Variants in ZNRF1 observed in about 807,000 individuals in gnomAD.
ZNRF1 encodes zinc and ring finger 1.
A neutral mutation model predicts 18.4 loss-of-function variants in ZNRF1; 3 were observed. That is an observed-to-expected ratio of 0.16 (90% CI 0.07 to 0.42). The LOEUF (loss-of-function observed/expected upper bound fraction) is 0.42. ZNRF1 is among the 10% of genes least tolerant of loss of function. The probability of loss-of-function intolerance (pLI) is 0.99; values close to 1 mark genes in which losing one functional copy is unlikely to be tolerated. For synonymous variants in ZNRF1, 157 were observed against 144.2 expected, an observed-to-expected ratio of 1.09 and a Z score of -0.64; for missense variants, 310 against 329.8, an observed-to-expected ratio of 0.94 and a Z score of 0.47.
rs56377786 is a variant in ZNRF1 at position 75,049,845 on chromosome 16, TTGTGTGTG to T, written c.425-43708_425-43701del. On this transcript the variant is annotated intron_variant, in intron 1 of 4. Transcript: ENST00000335325. ...TCTCATCACTTTCACATGCACCCAT[TTGTGTGTG>T]TGTGTGTGTGTGTGTGTGGTTTAGT... Among the ~76,000 whole-genome samples the T allele has an allele frequency of 6.9e-3, 1,026 of 149,384 alleles. 9 individuals carry two copies. Among genetic ancestry groups the T allele is most frequent in the African/African-American group, 0.025 (993 of 40,508 alleles).
In ZNRF1 at chr16:74,999,728, C is replaced by T; in HGVS notation, c.57C>T (p.Ser19=). 1.4e-6 allele frequency: 2 copies of T among 1,384,840 alleles called. No individual in the cohort carries two copies. Among genetic ancestry groups the T allele is most frequent in the Non-Finnish European group, 1.9e-6 (2 of 1,076,124 alleles). 85.8% of individuals were successfully genotyped at this position (1,384,840 alleles called of 1,614,324 possible). The change falls in exon 1 of 5, where the codon TCC becomes TCT. Residue 19 remains serine, a synonymous_variant. Transcript: ENST00000335325. The stretch of plus-strand genomic sequence containing the variant: ...CCCGGGGCCCCTTCCCGGGGGTCTC[C>T]ACCGATGACAGCGCCGTGCCGCCGC... ...ARSRGPFPGV[S]TDDSAVPPPG... is the part of the protein sequence containing the mutation.
At chr16:75,059,590 A>C (rs903821683) in intron 1 of ZNRF1, among the ~76,000 whole-genome samples, 2 of 151,968 alleles carry the variant, frequency 1.3e-5, no homozygotes, top group Admixed American at 1.3e-4. Flanking sequence ...AATGGCTCAG[A>C]TCTCGTAGGA....
chr16:75,000,753 G>A (rs1199105904), intron 1 of ZNRF1, among the ~76,000 whole-genome samples: 1 of 152,206 alleles, frequency 6.6e-6, no homozygotes, highest in East Asian at 1.9e-4. Flanking sequence ...GCATGCAGCA[G>A]GCTTGGCTCC....
chr16:75,104,709 T>TA, intron 2 of ZNRF1, 75 bp from the exon 3 acceptor site: 1 of 1,335,506 alleles, frequency 7.5e-7, no homozygotes, highest in Non-Finnish European at 1.0e-6. Context: ...CCCTAGTTCC[T>TA]AGGCCCTTGC....
intron 1 of ZNRF1, chr16:75,000,296 A>AG (rs1157225205): frequency 1.9e-5 from 15 of 808,654 alleles, no homozygotes; most frequent in Admixed American, 1.8e-4. Flanking sequence ...CTGGCGATTT[A>AG]GGGACTCACG....
At chr16:75,106,699 C>T (rs1567497777) in intron 4 of ZNRF1, 128 bp downstream of exon 4, 6 of 670,222 alleles carry the variant, frequency 9.0e-6, no homozygotes, top group South Asian at 3.5e-5. Flanking sequence ...GGAAGGAGCA[C>T]CTCATCAGTG....
In ZNRF1 at chr16:75,085,815, A is replaced by T. The variant is rs866202077; in HGVS notation, c.425-7757A>T. 3.8e-3 allele frequency among the ~76,000 whole-genome samples: 553 copies of T among 146,818 alleles called. 5 individuals carry two copies. The highest frequency in any genetic ancestry group is 0.014 in the African/African-American group (523 of 37,498). Reference sequence around the variant, plus strand: ...GTGAGAGAGAGAGAGAGAGAGAGAGAGAGTGAGTGTGTGTGTGTGTGTGTG... The same window carrying T: ...GTGAGAGAGAGAGAGAGAGAGAGAGTGAGTGAGTGTGTGTGTGTGTGTGTG... On this transcript the variant is annotated intron_variant, in intron 1 of 4. Transcript: ENST00000335325.
chr16:75,030,883 C>G (rs1249922004), intron 1 of ZNRF1, among the ~76,000 whole-genome samples: 3 of 143,392 alleles, frequency 2.1e-5, no homozygotes, highest in Non-Finnish European at 4.5e-5. Flanking sequence ...CTCTGTCACC[C>G]AGGCTGGAGT....
At chr16:75,069,066 T>G (rs1243172109) in intron 1 of ZNRF1, among the ~76,000 whole-genome samples, 8 of 152,152 alleles carry the variant, frequency 5.3e-5, no homozygotes, top group Non-Finnish European at 1.2e-4. Flanking sequence ...TCTGCTGCTC[T>G]TTAGCCAAAG....
At chr16:75,064,561 G>GAAA (rs566037984) in intron 1 of ZNRF1, among the ~76,000 whole-genome samples, 4 of 127,142 alleles carry the variant, frequency 3.1e-5, no homozygotes, top group Non-Finnish European at 3.4e-5. Context: ...GTCTCCGAGG[G>GAAA]AAAAAAAAAA....
At chr16:75,107,490 C>T (rs1431568898) in intron 4 of ZNRF1, 3 of 329,160 alleles carry the variant, frequency 9.1e-6, no homozygotes, top group African/African-American at 4.4e-5. Flanking sequence ...GGGACATTTG[C>T]TCTTTTTACC....
intron 1 of ZNRF1, 106 bp downstream of exon 1, chr16:75,000,201 T>G: frequency 6.9e-7 from 1 of 1,453,078 alleles, no homozygotes; most frequent in Non-Finnish European, 9.4e-7. Context: ...CCGGGATCTG[T>G]CTGCATTCCC....
intron 1 of ZNRF1, among the ~76,000 whole-genome samples, chr16:75,033,036 C>G (rs1186927922): frequency 6.6e-6 from 1 of 152,086 alleles, no homozygotes; most frequent in Non-Finnish European, 1.5e-5. Flanking sequence ...TTTAAGGGTA[C>G]TATTGGCAAT....
At chr16:75,038,909 G>C (rs1459287142) in intron 1 of ZNRF1, among the ~76,000 whole-genome samples, 1 of 152,022 alleles carries the variant, frequency 6.6e-6, no homozygotes, top group African/African-American at 2.4e-5. Context: ...TTCCCCATCT[G>C]CTCCAGTATA....
intron 1 of ZNRF1, among the ~76,000 whole-genome samples, chr16:75,013,248 G>C (rs986300388): frequency 2.6e-5 from 4 of 152,158 alleles, no homozygotes; most frequent in African/African-American, 9.7e-5. Flanking sequence ...TTATAAAGGA[G>C]TAAGAATTAC....
chr16:75,039,476 T>G (rs1054594254), intron 1 of ZNRF1, among the ~76,000 whole-genome samples: 2 of 152,190 alleles, frequency 1.3e-5, no homozygotes, highest in African/African-American at 4.8e-5. Context: ...ATAAAAATCC[T>G]TGGAGTTAAT....
chr16:75,038,723 G>T (rs2035404965), intron 1 of ZNRF1, among the ~76,000 whole-genome samples: 1 of 152,226 alleles, frequency 6.6e-6, no homozygotes, highest in African/African-American at 2.4e-5. Context: ...TCCTGTGTGT[G>T]TGTTCTTCTA....
At chr16:75,041,991 C>T (rs949274995) in intron 1 of ZNRF1, among the ~76,000 whole-genome samples, 3 of 151,998 alleles carry the variant, frequency 2.0e-5, no homozygotes, top group East Asian at 3.9e-4. Context: ...AGCAAAACTC[C>T]GTCTCAAAAA....
chr16:75,009,832 C>T (rs918219472), intron 1 of ZNRF1, among the ~76,000 whole-genome samples: 1 of 151,706 alleles, frequency 6.6e-6, no homozygotes, highest in Admixed American at 6.6e-5. Flanking sequence ...TAGTAGCCAT[C>T]TTAATGGATG....
Sources: allele counts gnomAD v4.1 joint callset (sites outside exome capture counted in the v4.1 genomes callset), GRCh38; gene constraint gnomAD v4.1.1; transcripts MANE v1.5; gene names NCBI Gene and HGNC (gene_info 2026-07-23, HGNC 2026-07-21).